KIAA1328: variants seen among roughly 807,000 people sequenced by gnomAD.
The protein encoded by KIAA1328 is protein hinderin.
A neutral mutation model predicts 68.1 loss-of-function variants in KIAA1328; 52 were observed. That is an observed-to-expected ratio of 0.76 (90% CI 0.61 to 0.96). The LOEUF is 0.96. Among genes scored for constraint, KIAA1328 ranks in the 40% least tolerant of loss-of-function variants. KIAA1328 has a pLI of 0.00. For synonymous variants in KIAA1328, 232 were observed against 239.4 expected (o/e 0.97, Z 0.28); for missense variants, 641 against 677.6 (o/e 0.95, Z 0.60).
intron 7 of KIAA1328, among the ~76,000 whole-genome samples, chr18:37,157,285 G>A (rs2059173011): frequency 6.6e-6 from 1 of 152,162 alleles, no homozygotes; most frequent in East Asian, 1.9e-4. Flanking sequence ...ATTATAAAAT[G>A]CATGCCTATT....
At chr18:36,909,533 A>G (rs1202106848) in intron 5 of KIAA1328, among the ~76,000 whole-genome samples, 1 of 152,078 alleles carries the variant, frequency 6.6e-6, no homozygotes, top group East Asian at 1.9e-4. Context: ...CCAGTCTATC[A>G]TTGTTGGACA....
chr18:36,952,136 C>G (rs2051184556), intron 5 of KIAA1328, among the ~76,000 whole-genome samples: 1 of 152,180 alleles, frequency 6.6e-6, no homozygotes. Flanking sequence ...ACATATTGAT[C>G]ATTTTTTTCT....
chr18:36,898,447 A>G (rs1184068266), intron 5 of KIAA1328, among the ~76,000 whole-genome samples: 1 of 151,936 alleles, frequency 6.6e-6, no homozygotes, highest in Non-Finnish European at 1.5e-5. Context: ...CAAGGCATAG[A>G]AGAGATCTCA....
Position 37,223,906 on chromosome 18 carries a change from C to T in KIAA1328, c.*1679C>T. On this transcript the variant is annotated 3_prime_UTR_variant, in exon 10 of 10. Transcript: ENST00000280020. ...TTCTGAAATAAATATAAAGTCAAGA[C>T]TAACTAGTTATAATCATTCCCTTAA... 2 of 981,922 alleles carry T rather than the reference C, an allele frequency of 2.0e-6. No homozygotes were observed. The highest frequency in any genetic ancestry group is 2.4e-6 in the Non-Finnish European group (2 of 826,826). The allele number at this position is 981,922 out of a possible 1,614,324, so 60.8% of individuals were successfully genotyped here. A position where few individuals can be genotyped will look rare whatever the true frequency, so the allele number is the denominator to read the frequency against.
intron 9 of KIAA1328, among the ~76,000 whole-genome samples, chr18:37,205,588 T>G (rs917046074): frequency 2.0e-5 from 3 of 152,192 alleles, no homozygotes; most frequent in African/African-American, 7.2e-5. Flanking sequence ...AGGACACAAA[T>G]AGGTACTCCA....
intron 7 of KIAA1328, among the ~76,000 whole-genome samples, chr18:37,114,683 G>C (rs958395868): frequency 1.3e-4 from 20 of 152,188 alleles, no homozygotes; most frequent in African/African-American, 4.8e-4. Context: ...AGGAGACAGA[G>C]ACACAAACAA....
At chr18:36,946,690 A>C (rs1425941694) in intron 5 of KIAA1328, among the ~76,000 whole-genome samples, 1 of 152,138 alleles carries the variant, frequency 6.6e-6, no homozygotes, top group Non-Finnish European at 1.5e-5. Flanking sequence ...TTTTTCTTTT[A>C]ATAAGAATTA....
chr18:37,008,635 G>GTTA (rs2053866828), intron 6 of KIAA1328, among the ~76,000 whole-genome samples: 1 of 152,156 alleles, frequency 6.6e-6, no homozygotes, highest in Admixed American at 6.5e-5. Context: ...TATTATAGCA[G>GTTA]TTATCGATAG....
chr18:37,130,474 T>G (rs1338609326), intron 7 of KIAA1328, among the ~76,000 whole-genome samples: 1 of 151,936 alleles, frequency 6.6e-6, no homozygotes, highest in African/African-American at 2.4e-5. Context: ...AAAAATTAGC[T>G]GGGCATGGTG....
At chr18:37,004,522 A>G (rs1399001790) in intron 6 of KIAA1328, among the ~76,000 whole-genome samples, 1 of 152,094 alleles carries the variant, frequency 6.6e-6, no homozygotes, top group Non-Finnish European at 1.5e-5. Context: ...AACATCACTA[A>G]TGATCAGGGG....
intron 9 of KIAA1328, among the ~76,000 whole-genome samples, chr18:37,210,726 G>A (rs2060300729): frequency 6.6e-6 from 1 of 152,200 alleles, no homozygotes; most frequent in South Asian, 2.1e-4. Context: ...GACATTTAGT[G>A]TAAAATCCCA....
chr18:36,885,736 AG>A lies in KIAA1328; in HGVS notation c.448+65del, dbSNP rs1490105037. On this transcript the variant is annotated intron_variant, in intron 5 of 9. Transcript: ENST00000280020. ...GTTTGACTATTTCTTTTTTTTTTTG[AG>A]ACGAAATCTCGCTCTTGTCGCCTAG... 4.7e-6 allele frequency: 5 copies of A among 1,055,986 alleles called. No individual in the cohort carries two copies. The Admixed American group carries it at 9.9e-5, about 21-fold the overall frequency. 65.4% of individuals were successfully genotyped at this position (1,055,986 alleles called of 1,614,324 possible). A position where few individuals can be genotyped will look rare whatever the true frequency, so the allele number is the denominator to read the frequency against.
rs918628889 is a variant in KIAA1328, at chr18:36,845,785, T to C, written c.332+1483T>C. Reference sequence around the variant, plus strand: ...CTAGAAATAAACCATGCATGTATGTTCAATTGAGTGTGACAAGGAGGCTAA... The same window carrying C: ...CTAGAAATAAACCATGCATGTATGTCCAATTGAGTGTGACAAGGAGGCTAA... On this transcript the variant is annotated intron_variant, in intron 4 of 9. Transcript: ENST00000280020. Among the ~76,000 whole-genome samples the C allele has an allele frequency of 2.0e-5, 3 of 151,686 alleles. No individual in the cohort carries two copies. The East Asian group carries it at 5.8e-4, about 29-fold the overall frequency.
At chr18:37,089,655 G>A (rs1025585970) in intron 7 of KIAA1328, among the ~76,000 whole-genome samples, 2 of 152,068 alleles carry the variant, frequency 1.3e-5, no homozygotes, top group Non-Finnish European at 2.9e-5. Flanking sequence ...GATTACAGGC[G>A]TGAATCACTG....
chr18:36,872,884 G>A (rs190872573), intron 4 of KIAA1328, among the ~76,000 whole-genome samples: 38 of 152,222 alleles, frequency 2.5e-4, no homozygotes, highest in African/African-American at 7.5e-4. Flanking sequence ...TTAAAACCCC[G>A]GTAAGCTTCC....
chr18:37,057,966 G>A (rs1257822037), intron 6 of KIAA1328, among the ~76,000 whole-genome samples: 1 of 152,166 alleles, frequency 6.6e-6, no homozygotes, highest in Non-Finnish European at 1.5e-5. Context: ...CATCACAGGC[G>A]GTGAACGAAT....
At chr18:36,979,384 A>G (rs545354803) in intron 6 of KIAA1328, among the ~76,000 whole-genome samples, 1 of 152,000 alleles carries the variant, frequency 6.6e-6, no homozygotes, top group Non-Finnish European at 1.5e-5. Flanking sequence ...ATCAATGTCA[A>G]CTCATACTTC....
At chr18:37,139,043 G>A (rs1488314866) in intron 7 of KIAA1328, among the ~76,000 whole-genome samples, 2 of 134,560 alleles carry the variant, frequency 1.5e-5, no homozygotes, top group Non-Finnish European at 1.5e-5. Flanking sequence ...TGCAAGCTCC[G>A]CCTCCCGGGT....
At chr18:36,858,180 G>T (rs1385269415) in intron 4 of KIAA1328, among the ~76,000 whole-genome samples, 1 of 151,944 alleles carries the variant, frequency 6.6e-6, no homozygotes, top group African/African-American at 2.4e-5. Context: ...CATTGAACTT[G>T]TGATAATAGA....
Sources: gnomAD v4.1 joint callset for allele counts (sites outside exome capture counted in the v4.1 genomes callset) on GRCh38, gnomAD v4.1.1 for gene constraint, MANE v1.5 for transcripts, NCBI Gene and HGNC (gene_info 2026-07-23, HGNC 2026-07-21) for gene names.